Variants in KLF9 observed in about 807,000 individuals in gnomAD.
KLF9 encodes the protein Krueppel-like factor 9.
In KLF9, 2 loss-of-function variants were observed where a neutral mutation model predicts 17.3. That is an observed-to-expected ratio of 0.12 (90% CI 0.05 to 0.36). KLF9 has a LOEUF of 0.36. Among genes scored for constraint, KLF9 ranks in the 10% least tolerant of loss-of-function variants. The pLI is 1.00. For synonymous variants in KLF9, 138 were observed against 139.2 expected, an observed-to-expected ratio of 0.99 and a Z score of 0.06; for missense variants, 226 against 333.2, an observed-to-expected ratio of 0.68 and a Z score of 2.51.
chr9:70,409,096 ATATATGTG>A (rs1359293635), intron 1 of KLF9, among the ~76,000 whole-genome samples: 17 of 90,894 alleles, frequency 1.9e-4, no homozygotes, highest in Admixed American at 2.7e-4. Context: ...ATATATGTAT[ATATATGTG>A]TATATATATA....
At chr9:70,401,777 G>A (rs1299999763) in intron 1 of KLF9, among the ~76,000 whole-genome samples, 1 of 151,708 alleles carries the variant, frequency 6.6e-6, no homozygotes, top group African/African-American at 2.4e-5. Context: ...CACTTTGGGA[G>A]GCCAAGGTGG....
chr9:70,406,311 G>C (rs1010509317), intron 1 of KLF9, among the ~76,000 whole-genome samples: 2 of 152,206 alleles, frequency 1.3e-5, no homozygotes, highest in African/African-American at 4.8e-5. Context: ...TCACATGCTA[G>C]TCAAGGCAGA....
At chr9:70,404,534 G>A (rs371344266) in intron 1 of KLF9, among the ~76,000 whole-genome samples, 41 of 152,184 alleles carry the variant, frequency 2.7e-4, no homozygotes, top group African/African-American at 9.6e-4. Flanking sequence ...GGAGAGTGCA[G>A]AGGTTGCAGT....
chr9:70,391,460 T>C (rs2037152882), intron 1 of KLF9, among the ~76,000 whole-genome samples: 1 of 152,146 alleles, frequency 6.6e-6, no homozygotes, highest in Admixed American at 6.6e-5. Context: ...AGCGTCCTTA[T>C]CCCTGAAGTG....
At chr9:70,395,760 A>G (rs2037178686) in intron 1 of KLF9, among the ~76,000 whole-genome samples, 1 of 152,080 alleles carries the variant, frequency 6.6e-6, no homozygotes, top group Non-Finnish European at 1.5e-5. Context: ...CCTGGGTAAC[A>G]TGGCGAAACC....
chr9:70,390,489 C>T (rs138744767), intron 1 of KLF9, among the ~76,000 whole-genome samples: 62 of 152,192 alleles, frequency 4.1e-4, no homozygotes, highest in African/African-American at 1.5e-3. Flanking sequence ...AGGATTTTAA[C>T]CCACTTCAGC....
rs2037106349 is a variant in KLF9 at position 70,385,802 on chromosome 9, A to T, written c.*1974T>A. On this transcript the variant is annotated 3_prime_UTR_variant, in exon 2 of 2. Coordinates refer to ENST00000377126, the MANE Select transcript of KLF9 (RefSeq NM_001206.4). ...TAAGTGTTTCAAAAATCTGAAACAG[A>T]GGTAGAAAGTGTTCTTTATTTTTCC... 6.6e-6 allele frequency: 1 copy of T among 152,586 alleles called. No individual in the cohort carries two copies. The highest frequency in any genetic ancestry group is 1.5e-5 in the Non-Finnish European group (1 of 68,054). 9.5% of individuals were successfully genotyped at this position (152,586 alleles called of 1,614,324 possible).
intron 1 of KLF9, among the ~76,000 whole-genome samples, chr9:70,408,156 T>C (rs1446161229): frequency 6.6e-6 from 1 of 152,164 alleles, no homozygotes; most frequent in Non-Finnish European, 1.5e-5. Context: ...AGCAGATCAC[T>C]TGAAGTCAGG....
intron 1 of KLF9, among the ~76,000 whole-genome samples, chr9:70,391,605 G>A (rs1003047681): frequency 6.6e-6 from 1 of 152,172 alleles, no homozygotes; most frequent in Non-Finnish European, 1.5e-5. Flanking sequence ...CTGCTTGGAA[G>A]TGAGTTGCTA....
At chr9:70,399,318 C>T (rs1227603145) in intron 1 of KLF9, among the ~76,000 whole-genome samples, 1 of 152,154 alleles carries the variant, frequency 6.6e-6, no homozygotes, top group Non-Finnish European at 1.5e-5. Context: ...CTTAGGGATC[C>T]TCCAAAGGCC....
At chr9:70,409,058 G>GTA (rs1485792714) in intron 1 of KLF9, among the ~76,000 whole-genome samples, 51 of 79,606 alleles carry the variant, frequency 6.4e-4, no homozygotes, top group East Asian at 1.7e-3. Context: ...ATACATATAT[G>GTA]TGTATATATA....
intron 1 of KLF9, among the ~76,000 whole-genome samples, chr9:70,406,883 A>G (rs2037259100): frequency 7.0e-6 from 1 of 142,438 alleles, no homozygotes; most frequent in African/African-American, 2.5e-5. Flanking sequence ...GCCAAAGGGA[A>G]AGAGAGAGAG....
chr9:70,401,686 C>CAA (rs34988097), intron 1 of KLF9, among the ~76,000 whole-genome samples: 709 of 66,424 alleles, frequency 0.011, 13 homozygotes, highest in African/African-American at 0.028. Flanking sequence ...GACTCCTTCA[C>CAA]AAAAAAAAAA....
At position 70,413,893 on chromosome 9, in the gene KLF9, A is replaced by C. The variant is rs568734290; in HGVS notation, c.-530T>G. ...CTAAGAGACACTTTTTCCCGAGTCCACTGACGGCTTCTGAACCCCTGCTCC... is the reference window on the plus strand; with the variant it reads ...CTAAGAGACACTTTTTCCCGAGTCCCCTGACGGCTTCTGAACCCCTGCTCC... On this transcript the variant is annotated 5_prime_UTR_variant, in exon 1 of 2. Coordinates refer to ENST00000377126, the MANE Select transcript of KLF9 (RefSeq NM_001206.4). This position sits in a 1 kb window ranked among gnomAD's most constrained non-coding sequence, Gnocchi z 5.6. 6.6e-6 allele frequency: 1 copy of C among 152,670 alleles called. No homozygotes were observed. The highest frequency in any genetic ancestry group is 1.5e-5 in the Non-Finnish European group (1 of 68,110). 9.5% of individuals were successfully genotyped at this position (152,670 alleles called of 1,614,324 possible).
intron 1 of KLF9, among the ~76,000 whole-genome samples, chr9:70,408,986 ATATATATATATG>A (rs1423808058): frequency 2.1e-5 from 2 of 94,290 alleles, no homozygotes; most frequent in Admixed American, 1.2e-4. Context: ...CTTTTGCACT[ATATATATATATG>A]TGTATATATA....
chr9:70,385,776 A>G lies in KLF9; in HGVS notation c.*2000T>C, dbSNP rs2037106144. On this transcript the variant is annotated 3_prime_UTR_variant, in exon 2 of 2. Coordinates refer to ENST00000377126, the MANE Select transcript of KLF9 (RefSeq NM_001206.4). ...CACAGAAATTAAAATTTGGTTTAAA[A>G]TAAGTGTTTCAAAAATCTGAAACAG... The G allele has an allele frequency of 6.6e-6, 1 of 152,648 alleles. No individual in the cohort carries two copies. The allele number at this position is 152,648 out of a possible 1,614,324, so 9.5% of individuals were successfully genotyped here. A position where few individuals can be genotyped will look rare whatever the true frequency, so the allele number is the denominator to read the frequency against.
intron 1 of KLF9, among the ~76,000 whole-genome samples, chr9:70,399,002 T>C (rs1322868782): frequency 1.3e-5 from 2 of 151,824 alleles, no homozygotes; most frequent in African/African-American, 4.8e-5. Flanking sequence ...CCAACTAATT[T>C]TGTTTATTTT....
intron 1 of KLF9, among the ~76,000 whole-genome samples, chr9:70,399,999 GAC>G (rs1486464308): frequency 6.6e-6 from 1 of 152,188 alleles, no homozygotes; most frequent in Non-Finnish European, 1.5e-5. Context: ...CTGTATTAGA[GAC>G]ACAGAGGTCT....
chr9:70,411,403 A>G (rs963603272), intron 1 of KLF9, among the ~76,000 whole-genome samples: 6 of 152,150 alleles, frequency 3.9e-5, no homozygotes, highest in African/African-American at 1.4e-4. Flanking sequence ...GAGCCACACT[A>G]AAGGTCACAT....
Sources: allele counts gnomAD v4.1 joint callset (sites outside exome capture counted in the v4.1 genomes callset), GRCh38; gene constraint gnomAD v4.1.1; non-coding constraint Gnocchi (gnomAD v3.1); transcripts MANE v1.5; gene names NCBI Gene and HGNC (gene_info 2026-07-23, HGNC 2026-07-21).